CASTOR2: variants seen among roughly 807,000 people sequenced by gnomAD.
CASTOR2 encodes cytosolic arginine sensor for mTORC1 subunit 2.
Under a neutral mutation model 31.2 loss-of-function variants are expected in CASTOR2, and 8 were observed. The ratio of observed to expected loss-of-function variants is 0.26; its 90% CI spans 0.15 to 0.46. The LOEUF (loss-of-function observed/expected upper bound fraction) is 0.46, where lower values mean the gene tolerates loss of function less well. Among genes scored for constraint, CASTOR2 ranks in the 20% least tolerant of loss-of-function variants. CASTOR2 has a pLI of 0.99. For missense variants in CASTOR2, 216 were observed against 382.1 expected (o/e 0.57, Z 3.62); for synonymous variants, 162 against 158.7 (o/e 1.02, Z -0.16).
intron 2 of CASTOR2, among the ~76,000 whole-genome samples, chr7:75,012,705 C>G (rs2131949645): frequency 6.6e-6 from 1 of 151,686 alleles, no homozygotes; most frequent in East Asian, 1.9e-4. Flanking sequence ...GTGGCATGAT[C>G]TCAGCTCACT....
intron 2 of CASTOR2, among the ~76,000 whole-genome samples, chr7:75,010,440 G>A (rs1409357118): frequency 6.6e-6 from 1 of 152,096 alleles, no homozygotes; most frequent in Non-Finnish European, 1.5e-5. Flanking sequence ...GTGTGTGTGT[G>A]CAGGAGAGGG....
At chr7:74,995,890 A>G (rs1243571053) in intron 1 of CASTOR2, among the ~76,000 whole-genome samples, 1 of 151,834 alleles carries the variant, frequency 6.6e-6, no homozygotes, top group African/African-American at 2.4e-5. Context: ...TGGGAGGCTC[A>G]CTTGAGCCCA....
chr7:74,999,961 G>C (rs1343422577), intron 1 of CASTOR2, among the ~76,000 whole-genome samples: 1 of 152,096 alleles, frequency 6.6e-6, no homozygotes, highest in Non-Finnish European at 1.5e-5. Flanking sequence ...GCACTGGCTC[G>C]CAACTGTAAT....
rs34719360 is a variant in CASTOR2 at position 74,989,578 on chromosome 7, AT to A, written c.114-18400del. 5.5e-3 allele frequency among the ~76,000 whole-genome samples: 720 copies of A among 131,178 alleles called. 5 individuals are homozygous for A. The highest frequency in any genetic ancestry group is 0.019 in the African/African-American group (655 of 34,784). 86.1% of individuals were successfully genotyped at this position (131,178 alleles called of 152,430 possible). A position where few individuals can be genotyped will look rare whatever the true frequency, so the allele number is the denominator to read the frequency against. On this transcript the variant is annotated intron_variant, in intron 1 of 8. Coordinates refer to ENST00000616305, the MANE Select transcript of CASTOR2 (RefSeq NM_001145064.3). Reference sequence around the variant, plus strand: ...CTGAGACTAACCACTGTGTCCGCCTATTTTTTTTTTTTTTTTCTGTAGAGAT... The same window carrying A: ...CTGAGACTAACCACTGTGTCCGCCTATTTTTTTTTTTTTTTCTGTAGAGAT...
At chr7:75,021,460 T>A (rs1343158070) in intron 6 of CASTOR2, among the ~76,000 whole-genome samples, 1 of 152,110 alleles carries the variant, frequency 6.6e-6, no homozygotes, top group African/African-American at 2.4e-5. Context: ...CCATAGCACT[T>A]CATCATAAGT....
intron 1 of CASTOR2, among the ~76,000 whole-genome samples, chr7:74,992,866 G>C (rs1440967416): frequency 1.3e-5 from 2 of 150,700 alleles, no homozygotes; most frequent in Non-Finnish European, 3.0e-5. Flanking sequence ...TCGCACCACT[G>C]CACTCCAGCC....
chr7:75,030,896 AT>A lies in CASTOR2; in HGVS notation c.*6198del, dbSNP rs1329721746. ...AGTTTGTGGGGGCCGGCACTCCCTC[AT>A]CTACTGGGGCTCATTCTGGAAGAAG... On this transcript the variant is annotated 3_prime_UTR_variant, in exon 9 of 9. Transcript: ENST00000616305. Among the ~76,000 whole-genome samples the A allele has an allele frequency of 6.6e-6, 1 of 152,064 alleles. No homozygotes were observed. The highest frequency in any genetic ancestry group is 2.4e-5 in the African/African-American group (1 of 41,408).
chr7:74,977,931 A>C lies in CASTOR2; in HGVS notation c.113+12833A>C, dbSNP rs1404178450. On this transcript the variant is annotated intron_variant, in intron 1 of 8. Coordinates refer to ENST00000616305, the MANE Select transcript of CASTOR2 (RefSeq NM_001145064.3). ...CGGGCCCAAGTAATCCTCCTGCCTC[A>C]GCCTTCCAAAGTGCTGGGATTACAG... Among the ~76,000 whole-genome samples the C allele has an allele frequency of 2.7e-5, 4 of 150,188 alleles. No individual in the cohort carries two copies. In the East Asian group the frequency reaches 7.9e-4, roughly 30 times the overall value.
intron 1 of CASTOR2, among the ~76,000 whole-genome samples, chr7:75,000,040 A>C (rs1804457016): frequency 6.6e-6 from 1 of 152,096 alleles, no homozygotes; most frequent in South Asian, 2.1e-4. Flanking sequence ...CAGCCTGGGC[A>C]ATATAGCAAG....
chr7:74,974,927 C>T (rs1403553641), intron 1 of CASTOR2, among the ~76,000 whole-genome samples: 5 of 145,984 alleles, frequency 3.4e-5, no homozygotes, highest in African/African-American at 1.3e-4. Context: ...CTTCCCAACA[C>T]ATGCCCTATT....
intron 2 of CASTOR2, among the ~76,000 whole-genome samples, chr7:75,011,697 T>G (rs1280103365): frequency 1.5e-5 from 2 of 130,424 alleles, no homozygotes; most frequent in African/African-American, 6.2e-5. Flanking sequence ...ATCACGCCAC[T>G]GCACTCCAGC....
At chr7:75,018,247 G>A (rs1308174389) in intron 4 of CASTOR2, 125 bp downstream of exon 4, 20 of 1,505,236 alleles carry the variant, frequency 1.3e-5, no homozygotes, top group East Asian at 9.9e-5. Flanking sequence ...CAGGCAGAAC[G>A]GGATGCAAAG....
rs1398754789 is a variant in CASTOR2, at chr7:74,993,880, G to A, written c.114-14114G>A. ...TCATAAATCAGACATCTCAGAAAAG[G>A]TTTTGCCAGGCAAGTTTACCTGGAA... On this transcript the variant is annotated intron_variant, in intron 1 of 8. Coordinates refer to ENST00000616305, the MANE Select transcript of CASTOR2 (RefSeq NM_001145064.3). Among the ~76,000 whole-genome samples the A allele has an allele frequency of 8.1e-3, 1,232 of 151,880 alleles. 32 individuals are homozygous for A. Among genetic ancestry groups the A allele is most frequent in the African/African-American group, 0.028 (1,158 of 41,410 alleles).
chr7:74,987,919 G>A (rs1554436895), intron 1 of CASTOR2, among the ~76,000 whole-genome samples: 1 of 151,574 alleles, frequency 6.6e-6, no homozygotes, highest in Non-Finnish European at 1.5e-5. Flanking sequence ...TGTTGGCTAG[G>A]CTGGTCTTGA....
intron 1 of CASTOR2, among the ~76,000 whole-genome samples, chr7:74,993,657 C>T (rs1170462807): frequency 1.3e-5 from 2 of 151,562 alleles, no homozygotes; most frequent in African/African-American, 4.8e-5. Context: ...CACCATGTTG[C>T]CCAGGCTGGT....
chr7:74,998,929 C>A (rs1804423000), intron 1 of CASTOR2, among the ~76,000 whole-genome samples: 1 of 152,060 alleles, frequency 6.6e-6, no homozygotes, highest in African/African-American at 2.4e-5. Context: ...TTGCCAAACA[C>A]CATCACCCAC....
rs940414438 is a variant in CASTOR2 at position 75,027,621 on chromosome 7, C to T, written c.*2922C>T. ...GGAGAAAAGCATGTGTGTCGGGGCG[C>T]GCTGGGGCCAGGGTATGGCTCTCCG... On this transcript the variant is annotated 3_prime_UTR_variant, in exon 9 of 9. Transcript: ENST00000616305. 935 of 209,140 alleles carry T rather than the reference C, an allele frequency of 4.5e-3. 9 individuals carry two copies. Among genetic ancestry groups the T allele is most frequent in the African/African-American group, 0.019 (816 of 42,292 alleles). 13.0% of individuals were successfully genotyped at this position (209,140 alleles called of 1,614,324 possible). A position where few individuals can be genotyped will look rare whatever the true frequency, so the allele number is the denominator to read the frequency against.
At chr7:75,018,926 G>A (rs1804929981) in intron 4 of CASTOR2, 46 bp from the exon 5 acceptor site, 1 of 1,551,750 alleles carries the variant, frequency 6.4e-7, no homozygotes, top group African/African-American at 1.4e-5. Context: ...CAGAGCTGCT[G>A]CTTTCAGTCC....
At chr7:75,018,256 A>G (rs1170142618) in intron 4 of CASTOR2, 134 bp downstream of exon 4, 8 of 1,495,266 alleles carry the variant, frequency 5.4e-6, no homozygotes, top group Non-Finnish European at 7.2e-6. Flanking sequence ...CGGGATGCAA[A>G]GGGCCCAGTG....
Sources: allele counts gnomAD v4.1 joint callset (sites outside exome capture counted in the v4.1 genomes callset), GRCh38; gene constraint gnomAD v4.1.1; transcripts MANE v1.5; gene names NCBI Gene and HGNC (gene_info 2026-07-23, HGNC 2026-07-21).